ARL1: variants seen among roughly 807,000 people sequenced by gnomAD.
ARL1 encodes ADP-ribosylation factor-like protein 1.
ARL1 carries 17 observed loss-of-function variants against 30.1 expected under a neutral mutation model. That is an observed-to-expected ratio of 0.56 (90% CI 0.39 to 0.85). The LOEUF (loss-of-function observed/expected upper bound fraction) is 0.85, where lower values mean the gene tolerates loss of function less well. Among genes scored for constraint, ARL1 ranks in the 40% least tolerant of loss-of-function variants. The probability of loss-of-function intolerance (pLI) is 0.00; values close to 1 mark genes in which losing one functional copy is unlikely to be tolerated. For missense variants in ARL1, 102 were observed against 212.6 expected (o/e 0.48, Z 3.24); for synonymous variants, 58 against 71.7 (o/e 0.81, Z 0.97).
chr12:101,401,314 C>A (rs1199627006), intron 3 of ARL1, 141 bp from the exon 4 acceptor site: 7 of 574,208 alleles, frequency 1.2e-5, no homozygotes, highest in African/African-American at 1.1e-4. Context: ...TGTACCATAT[C>A]CCTCAGATGT....
intron 5 of ARL1, 66 bp downstream of exon 5, chr12:101,396,333 A>C (rs551626425): frequency 5.0e-6 from 8 of 1,589,720 alleles, no homozygotes; most frequent in African/African-American, 1.3e-5. Flanking sequence ...GAAAAATTAC[A>C]CGTGGACGTG....
chr12:101,401,631 TGTC>T, intron 3 of ARL1: 1 of 111,110 alleles, frequency 9.0e-6, no homozygotes, highest in Admixed American at 1.2e-4. Context: ...AGTGAAACTC[TGTC>T]TCAAAAAAAA....
intron 4 of ARL1, chr12:101,400,395 G>T (rs1428187903): frequency 8.3e-6 from 1 of 120,310 alleles, no homozygotes; most frequent in Admixed American, 8.3e-5. Context: ...CAAAAAAAAA[G>T]AAAAAAAAAA....
intron 1 of ARL1, 73 bp from the exon 2 acceptor site, chr12:101,406,054 T>C (rs1871433299): frequency 1.6e-6 from 2 of 1,230,978 alleles, no homozygotes; most frequent in South Asian, 1.6e-5. Flanking sequence ...TCTAACCTTG[T>C]CCTTTGAGAG....
chr12:101,405,125 C>G (rs371835678), intron 2 of ARL1, among the ~76,000 whole-genome samples: 107 of 152,288 alleles, frequency 7.0e-4, no homozygotes, highest in African/African-American at 2.4e-3. Context: ...CCCGCCTTGG[C>G]CTCCCAAAGT....
chr12:101,397,923 G>T (rs1201007646), intron 4 of ARL1, among the ~76,000 whole-genome samples: 1 of 152,030 alleles, frequency 6.6e-6, no homozygotes, highest in South Asian at 2.1e-4. Context: ...TTAGTCATTG[G>T]CTTCTGGTTA....
intron 1 of ARL1, 71 bp from the exon 2 acceptor site, chr12:101,406,052 T>C: frequency 7.8e-7 from 1 of 1,280,156 alleles, no homozygotes; most frequent in Non-Finnish European, 1.1e-6. Context: ...CATCTAACCT[T>C]GTCCTTTGAG....
In ARL1 at chr12:101,407,701, C is replaced by A; in HGVS notation, c.-56G>T. 2 of 1,609,956 alleles carry A rather than the reference C, an allele frequency of 1.2e-6. No individual in the cohort carries two copies. The highest frequency in any genetic ancestry group is 1.7e-6 in the Non-Finnish European group (2 of 1,178,842). On this transcript the variant is annotated 5_prime_UTR_variant, in exon 1 of 6. Transcript: ENST00000261636. ...TCAGTGATTCCTTGGCCTTCGGCTG[C>A]AGCTCCGAGGCGGTTTCCTCGCAAG...
chr12:101,403,589 G>A (rs968061876), intron 2 of ARL1: 14 of 158,686 alleles, frequency 8.8e-5, no homozygotes, highest in Admixed American at 7.1e-4. Flanking sequence ...TTGTAATAAG[G>A]TCATGGCTGG....
Position 101,395,412 on chromosome 12 carries a change from G to T in ARL1, c.*228C>A. 2.1e-6 allele frequency: 1 copy of T among 473,286 alleles called. No individual in the cohort carries two copies. Among genetic ancestry groups the T allele is most frequent in the South Asian group, 4.6e-5 (1 of 21,934 alleles). The allele number at this position is 473,286 out of a possible 1,614,324, so 29.3% of individuals were successfully genotyped here. A position where few individuals can be genotyped will look rare whatever the true frequency, so the allele number is the denominator to read the frequency against. ...AAATAGAATATATACCTTAACACAA[G>T]AAAGCAAGAAAAGAATATTTTACAT... On this transcript the variant is annotated 3_prime_UTR_variant, in exon 6 of 6. Transcript: ENST00000261636.
In ARL1 at chr12:101,407,677, C is replaced by T. The variant is rs917552925; in HGVS notation, c.-32G>A. On this transcript the variant is annotated 5_prime_UTR_variant, in exon 1 of 6. Coordinates refer to ENST00000261636, the MANE Select transcript of ARL1 (RefSeq NM_001177.6). ...CCCCCTGTCCTCCCTCGCCGATCTT[C>T]AGTGATTCCTTGGCCTTCGGCTGCA... The T allele has an allele frequency of 5.0e-6, 8 of 1,612,316 alleles. No homozygotes were observed. The highest frequency in any genetic ancestry group is 5.1e-6 in the Non-Finnish European group (6 of 1,179,778).
intron 1 of ARL1, among the ~76,000 whole-genome samples, chr12:101,406,417 TCTC>T (rs1871442140): frequency 6.6e-6 from 1 of 151,850 alleles, no homozygotes; most frequent in Admixed American, 6.6e-5. Flanking sequence ...CAATCAGAGT[TCTC>T]CACGAAGCAA....
intron 4 of ARL1, among the ~76,000 whole-genome samples, chr12:101,398,514 A>G (rs1056271081): frequency 2.0e-5 from 3 of 151,824 alleles, no homozygotes; most frequent in Non-Finnish European, 4.4e-5. Flanking sequence ...CAGTGGCACT[A>G]TCTCAGCTCA....
intron 2 of ARL1, 135 bp downstream of exon 2, chr12:101,405,709 A>G (rs992247314): frequency 4.3e-6 from 4 of 927,018 alleles, no homozygotes; most frequent in East Asian, 6.2e-5. Context: ...TGAGGCCAAG[A>G]GTCTAAGACC....
chr12:101,400,102 G>T (rs993670866), intron 4 of ARL1, among the ~76,000 whole-genome samples: 1 of 151,908 alleles, frequency 6.6e-6, no homozygotes, highest in Non-Finnish European at 1.5e-5. Flanking sequence ...TAATTTTCTT[G>T]TATTTTCAGT....
rs551576173 is a variant in ARL1, at chr12:101,404,489, T to C, written c.142+1355A>G. ...GATGCCCAGACAGAGATGGGTGATTTTGAGAAGCAAAAACTAAGGGCACTA... is the reference window on the plus strand; with the variant it reads ...GATGCCCAGACAGAGATGGGTGATTCTGAGAAGCAAAAACTAAGGGCACTA... On this transcript the variant is annotated intron_variant, in intron 2 of 5. Coordinates refer to ENST00000261636, the MANE Select transcript of ARL1 (RefSeq NM_001177.6). Among the ~76,000 whole-genome samples the C allele has an allele frequency of 1.6e-4, 24 of 152,314 alleles. No individual in the cohort carries two copies. In the South Asian group the frequency reaches 4.3e-3, roughly 28 times the overall value.
intron 2 of ARL1, among the ~76,000 whole-genome samples, chr12:101,404,504 T>C (rs573509867): frequency 3.4e-4 from 51 of 152,214 alleles, no homozygotes; most frequent in Non-Finnish European, 6.2e-4. Context: ...AAGCAAAAAC[T>C]AAGGGCACTA....
rs2121133544 is a variant in ARL1, at chr12:101,407,740, C to A, written c.-95G>T. Reference sequence around the variant, plus strand: ...TTTCCTCGCAAGCCCAGTCAGCCAGCAACTTCCACGTCGGACTCCAGGCGG... The same window carrying A: ...TTTCCTCGCAAGCCCAGTCAGCCAGAAACTTCCACGTCGGACTCCAGGCGG... On this transcript the variant is annotated 5_prime_UTR_variant, in exon 1 of 6. Coordinates refer to ENST00000261636, the MANE Select transcript of ARL1 (RefSeq NM_001177.6). 1.3e-6 allele frequency: 2 copies of A among 1,573,548 alleles called. No homozygotes were observed. Among genetic ancestry groups the A allele is most frequent in the East Asian group, 2.2e-5 (1 of 44,552 alleles).
chr12:101,406,726 T>C (rs1871451786), intron 1 of ARL1, among the ~76,000 whole-genome samples: 1 of 152,240 alleles, frequency 6.6e-6, no homozygotes, highest in South Asian at 2.1e-4. Flanking sequence ...AGTTGAAAAA[T>C]GAACAACACC....
Sources: allele counts gnomAD v4.1 joint callset (sites outside exome capture counted in the v4.1 genomes callset), GRCh38; gene constraint gnomAD v4.1.1; transcripts MANE v1.5; gene names NCBI Gene and HGNC (gene_info 2026-07-23, HGNC 2026-07-21).